TNXB: variants seen among roughly 807,000 people sequenced by gnomAD.
TNXB encodes the protein tenascin XB.
A neutral mutation model predicts 340.5 loss-of-function variants in TNXB; 183 were observed. The ratio of observed to expected loss-of-function variants is 0.54; its 90% CI spans 0.48 to 0.61. The LOEUF (loss-of-function observed/expected upper bound fraction) is 0.61, where lower values mean the gene tolerates loss of function less well. Among genes scored for constraint, TNXB ranks in the 20% least tolerant of loss-of-function variants. The pLI, the probability that TNXB is intolerant of heterozygous loss-of-function variation, is 0.00. For missense variants in TNXB, 4,613 were observed against 5,446.4 expected, an observed-to-expected ratio of 0.85 and a Z score of 4.82; for synonymous variants, 2,121 against 2,314.5, an observed-to-expected ratio of 0.92 and a Z score of 2.40.
At chr6:32,104,643 CT>C (rs890237484) in intron 1 of TNXB, among the ~76,000 whole-genome samples, 2 of 149,468 alleles carry the variant, frequency 1.3e-5, no homozygotes, top group Non-Finnish European at 3.0e-5. Flanking sequence ...CTTTTTTTTT[CT>C]TTTTTTTTGA....
Position 32,068,756 on chromosome 6 carries a change from G to A in TNXB, c.5903-49C>T, listed in dbSNP as rs374770033. On this transcript the variant is annotated intron_variant, in intron 16 of 43. Coordinates refer to ENST00000644971, the MANE Select transcript of TNXB (RefSeq NM_001365276.2). The surrounding 1 kb of genome is among the most constrained non-coding windows in gnomAD (Gnocchi z 5.3). ...GGACTGAGGTGGGCAGGGTATCCGC[G>A]GGACTCTGCTGTCCTCTGGACTCTC... 139 of 1,597,572 alleles carry A rather than the reference G, an allele frequency of 8.7e-5. 1 individual carries two copies. The South Asian group carries it at 1.3e-3, about 15-fold the overall frequency.
chr6:32,068,766 T>C lies in TNXB; in HGVS notation c.5902+56A>G, dbSNP rs912152912. 8 of 1,594,746 alleles carry C rather than the reference T, an allele frequency of 5.0e-6. No individual in the cohort carries two copies. The Admixed American group carries it at 1.3e-4, about 27-fold the overall frequency. On this transcript the variant is annotated intron_variant, in intron 16 of 43. Transcript: ENST00000644971. The surrounding 1 kb of genome is among the most constrained non-coding windows in gnomAD (Gnocchi z 5.3). ...GGGCAGGGTATCCGCGGGACTCTGC[T>C]GTCCTCTGGACTCTCCCAGCCATCT...
chr6:32,052,566 C>T lies in TNXB; in HGVS notation c.9115+104G>A. ...AAAAATCTCCAGGCATTTGGATACACAAAGGAAGGAATACTCTTCAGAGTA... is the reference window on the plus strand; with the variant it reads ...AAAAATCTCCAGGCATTTGGATACATAAAGGAAGGAATACTCTTCAGAGTA... On this transcript the variant is annotated intron_variant, in intron 26 of 43. Transcript: ENST00000644971. The surrounding 1 kb of genome is among the most constrained non-coding windows in gnomAD (Gnocchi z 4.7). 6 of 1,463,884 alleles carry T rather than the reference C, an allele frequency of 4.1e-6. No homozygotes were observed. The highest frequency in any genetic ancestry group is 5.5e-6 in the Non-Finnish European group (6 of 1,090,792). The allele number at this position is 1,463,884 out of a possible 1,614,324, so 90.7% of individuals were successfully genotyped here. A position where few individuals can be genotyped will look rare whatever the true frequency, so the allele number is the denominator to read the frequency against.
rs766185519 is a variant in TNXB, at chr6:32,096,562, C to T, written c.1291G>A (p.Gly431Ser). The T allele has an allele frequency of 6.3e-6, 10 of 1,594,076 alleles. No homozygotes were observed. The highest frequency in any genetic ancestry group is 8.5e-6 in the Non-Finnish European group (10 of 1,174,548). Reference protein sequence around the residue: ...CWPGYTGTDCGSRACPRDCRG... With the variant: ...CWPGYTGTDCSSRACPRDCRG... ...CAGTCGCGTGGGCAGGCGCGCGAGC[C>T]GCAATCGGTTCCAGTGTACCCCGGC... The change falls in exon 3 of 44, where the codon GGC (glycine) becomes AGC (serine). Residue 431 changes from glycine to serine, a missense_variant. By Grantham distance (56) the Gly-to-Ser change is moderately conservative (BLOSUM62 0). Around this residue, in one of 7 missense-constraint regions of TNXB, gnomAD observed 4,327 missense variants for 4,859.4 expected, o/e 0.89. Coordinates refer to ENST00000644971, the MANE Select transcript of TNXB (RefSeq NM_001365276.2).
intron 18 of TNXB, among the ~76,000 whole-genome samples, chr6:32,066,681 C>A (rs890858025): frequency 1.3e-5 from 2 of 152,138 alleles, no homozygotes; most frequent in African/African-American, 4.8e-5. Flanking sequence ...GTGGTGATGG[C>A]TGCACAAGTA....
At chr6:32,100,644 T>C (rs904193131) in intron 1 of TNXB, among the ~76,000 whole-genome samples, 2 of 151,780 alleles carry the variant, frequency 1.3e-5, no homozygotes, top group African/African-American at 4.8e-5. Flanking sequence ...GAGGATTACT[T>C]GAGTCTGGGA....
chr6:32,080,181 A>G lies in TNXB; in HGVS notation c.4043-816T>C, dbSNP rs1779354497. Among the ~76,000 whole-genome samples, 1 of 151,144 alleles carries G rather than the reference A, an allele frequency of 6.6e-6. No homozygotes were observed. Among genetic ancestry groups the G allele is most frequent in the Non-Finnish European group, 1.5e-5 (1 of 67,898 alleles). ...AAAATGCTTTGCTGCTCCAAGCACT[A>G]TTCTAAGTGTGTGGGCTTTTTTTGT... On this transcript the variant is annotated intron_variant, in intron 10 of 43. Transcript: ENST00000644971. The surrounding 1 kb of genome is among the most constrained non-coding windows in gnomAD (Gnocchi z 4.3).
intron 24 of TNXB, among the ~76,000 whole-genome samples, chr6:32,053,983 G>A (rs1387446937): frequency 1.4e-5 from 2 of 147,298 alleles, no homozygotes; most frequent in Non-Finnish European, 3.0e-5. Context: ...AGCCCCACTC[G>A]GCCTCTGCAC....
chr6:32,075,076 G>A lies in TNXB; in HGVS notation c.4376-1124C>T, dbSNP rs1236149894. 2.0e-5 allele frequency among the ~76,000 whole-genome samples: 3 copies of A among 152,130 alleles called. No individual in the cohort carries two copies. The highest frequency in any genetic ancestry group is 4.4e-5 in the Non-Finnish European group (3 of 68,024). The stretch of plus-strand genomic sequence containing the variant: ...CTCCACATCCGCCCTGTGGGTATCC[G>A]CCTGTTGTCACTACCTTCAGAGTCT... On this transcript the variant is annotated intron_variant, in intron 11 of 43. Transcript: ENST00000644971. The surrounding 1 kb of genome is among the most constrained non-coding windows in gnomAD (Gnocchi z 4.6).
At chr6:32,093,255 G>T (rs1780160194) in intron 4 of TNXB, 4 of 659,078 alleles carry the variant, frequency 6.1e-6, no homozygotes, top group Admixed American at 4.4e-5. Flanking sequence ...TTGTTTTAGT[G>T]AGGAGCAGCC....
rs1327900595 is a variant in TNXB, at chr6:32,084,095, C to A, written c.3445+318G>T. ...TAGGGGCCTTCGAATGAGGCCCAAG[C>A]CCCTCAGCACAGCACAGGAAGCCCT... On this transcript the variant is annotated intron_variant, in intron 8 of 43. Coordinates refer to ENST00000644971, the MANE Select transcript of TNXB (RefSeq NM_001365276.2). The surrounding 1 kb of genome is among the most constrained non-coding windows in gnomAD (Gnocchi z 5.5). 6.6e-6 allele frequency among the ~76,000 whole-genome samples: 1 copy of A among 152,184 alleles called. No individual in the cohort carries two copies. Among genetic ancestry groups the A allele is most frequent in the African/African-American group, 2.4e-5 (1 of 41,426 alleles).
Position 32,042,325 on chromosome 6 carries a change from C to T in TNXB, c.12248G>A (p.Trp4083Ter). The change falls in exon 41 of 44, where the codon TGG becomes TAG. Residue 4083 changes from tryptophan to a stop codon, truncating the protein, a stop_gained. Transcript: ENST00000644971. LOFTEE classifies it high-confidence loss of function. ...QRRMDGQTDF[W>*]RDWEDYAHGF... ...ATGGGCATAGTCCTCCCAGTCCCTC[C>T]AGAAGTCTGTCTGTCCATCCATGCG... 6.5e-7 allele frequency: 1 copy of T among 1,528,034 alleles called. No homozygotes were observed. Among genetic ancestry groups the T allele is most frequent in the Non-Finnish European group, 9.0e-7 (1 of 1,111,354 alleles). 94.7% of individuals were successfully genotyped at this position (1,528,034 alleles called of 1,614,324 possible).
Position 32,073,798 on chromosome 6 carries a change from G to T in TNXB, c.4530C>A (p.Asp1510Glu). The part of the protein sequence containing the change: ...QFDSFIVQYK[D>E]KDGQPQVVPV... The stretch of plus-strand genomic sequence containing the variant: ...GCACCACCTGGGGCTGCCCGTCCTT[G>T]TCCTTGTACTGGACTATGAAGGAGT... The change falls in exon 12 of 44, where the codon GAC becomes GAA. Residue 1510 changes from aspartate (D) to glutamate (E), a missense_variant. Transcript: ENST00000644971. This position sits in a 1 kb window ranked among gnomAD's most constrained non-coding sequence, Gnocchi z 4.6. 6.2e-7 allele frequency: 1 copy of T among 1,612,974 alleles called. No individual in the cohort carries two copies. Among genetic ancestry groups the T allele is most frequent in the Non-Finnish European group, 8.5e-7 (1 of 1,179,606 alleles).
At chr6:32,043,960 G>A in intron 34 of TNXB, 47 bp downstream of exon 34, 1 of 1,606,944 alleles carries the variant, frequency 6.2e-7, no homozygotes, top group Non-Finnish European at 8.5e-7. Flanking sequence ...GCAGAGTGCA[G>A]GGGGGAGAGG....
At chr6:32,055,451 G>A (rs1777565725) in intron 24 of TNXB, among the ~76,000 whole-genome samples, 1 of 152,164 alleles carries the variant, frequency 6.6e-6, no homozygotes, top group African/African-American at 2.4e-5. Context: ...CCAATAGTGG[G>A]CTTCCAGAGT....
chr6:32,089,687 C>T lies in TNXB; in HGVS notation c.2359-308G>A, dbSNP rs1779992554. ...ACAAGTATCTTGCCAACGTCACCAA[C>T]ACCAAGAAAATGGCAAGAATTTAGG... On this transcript the variant is annotated intron_variant, in intron 4 of 43. Coordinates refer to ENST00000644971, the MANE Select transcript of TNXB (RefSeq NM_001365276.2). The surrounding 1 kb of genome is among the most constrained non-coding windows in gnomAD (Gnocchi z 6.2). Among the ~76,000 whole-genome samples the T allele has an allele frequency of 6.6e-6, 1 of 152,218 alleles. No homozygotes were observed. Among genetic ancestry groups the T allele is most frequent in the South Asian group, 2.1e-4 (1 of 4,824 alleles).
rs754349454 is a variant in TNXB at position 32,088,827 on chromosome 6, C to T, written c.2737G>A (p.Gly913Ser). 2 of 1,580,922 alleles carry T rather than the reference C, an allele frequency of 1.3e-6. No individual in the cohort carries two copies. Among genetic ancestry groups the T allele is most frequent in the African/African-American group, 1.3e-5 (1 of 74,332 alleles). Residue 913 changes from glycine to serine, a missense_variant, in exon 6 of 44, where the codon GGC (glycine) becomes AGC (serine). Physicochemically the swap from Gly to Ser is moderately conservative, Grantham distance 56. Transcript: ENST00000644971. ...GAAGCTGGGTAGCTGACTGCCCGGCCCCGCTCCGCTGTGACAGTCACCACA... is the reference window on the plus strand; with the variant it reads ...GAAGCTGGGTAGCTGACTGCCCGGCTCCGCTCCGCTGTGACAGTCACCACA... ...EYVVTVTAER[G>S]RAVSYPASVR... is the part of the protein sequence containing the mutation.
At position 32,068,550 on chromosome 6, in the gene TNXB, C is replaced by A. The variant is rs757421719; in HGVS notation, c.6060G>T (p.Gln2020His). Residue 2020 changes from glutamine to histidine, a missense_variant, in exon 17 of 44, where the codon CAG becomes CAT. By Grantham distance (24) the Gln-to-His change is conservative. Coordinates refer to ENST00000644971, the MANE Select transcript of TNXB (RefSeq NM_001365276.2). This position sits in a 1 kb window ranked among gnomAD's most constrained non-coding sequence, Gnocchi z 5.3. Reference protein sequence around the residue: ...PEGQFDHFLVQYRNGDGQPKA... With the variant: ...PEGQFDHFLVHYRNGDGQPKA... ...TGGGCTGCCCATCTCCATTCCTGTA[C>A]TGGACCAGGAAGTGGTCAAACTGTC... The A allele has an allele frequency of 4.3e-6, 7 of 1,614,020 alleles. No homozygotes were observed. In the South Asian group the frequency reaches 6.6e-5, roughly 15 times the overall value.
rs776199920 is a variant in TNXB, at chr6:32,095,769, C to T, written c.2084G>A (p.Arg695Gln). 9 of 1,613,806 alleles carry T rather than the reference C, an allele frequency of 5.6e-6. No individual in the cohort carries two copies. The highest frequency in any genetic ancestry group is 1.1e-5 in the South Asian group (1 of 91,064). The change falls in exon 3 of 44, where the codon CGG becomes CAG. Residue 695 changes from arginine (R) to glutamine (Q), a missense_variant. By Grantham distance (43) the Arg-to-Gln change is conservative. This residue lies in a region of TNXB where 4,327 missense variants were observed against 4,859.4 expected (regional missense o/e 0.89). Transcript: ENST00000644971. Reference protein sequence around the residue: ...ASACPGGCGPRELCRAGQCVC... With the variant: ...ASACPGGCGPQELCRAGQCVC... ...ACACTGGCCTGCCCGGCACAGTTCC[C>T]GGGGCCCGCAGCCTCCAGGGCAGGC...
Sources: allele counts gnomAD v4.1 joint callset (sites outside exome capture counted in the v4.1 genomes callset), GRCh38; gene constraint gnomAD v4.1.1; regional missense constraint gnomAD v4.1.1; non-coding constraint Gnocchi (gnomAD v3.1); transcripts MANE v1.5; gene names NCBI Gene and HGNC (gene_info 2026-07-23, HGNC 2026-07-21).